FCRL4: variants seen among roughly 807,000 people sequenced by gnomAD.
FCRL4 encodes Fc receptor like 4.
FCRL4 carries 43 observed loss-of-function variants against 64.1 expected under a neutral mutation model. That is an observed-to-expected ratio of 0.67 (90% CI 0.53 to 0.87). The LOEUF is 0.87. Among genes scored for constraint, FCRL4 ranks in the 40% least tolerant of loss-of-function variants. The pLI is 0.00. For synonymous variants in FCRL4, 253 were observed against 239.8 expected, an observed-to-expected ratio of 1.05 and a Z score of -0.51; for missense variants, 656 against 613.5, an observed-to-expected ratio of 1.07 and a Z score of -0.73.
chr1:157,597,218 C>T (rs1652984781), intron 1 of FCRL4, among the ~76,000 whole-genome samples: 1 of 152,188 alleles, frequency 6.6e-6, no homozygotes, highest in Admixed American at 6.5e-5. Context: ...CCACTCACTC[C>T]TTAGTTCCTA....
chr1:157,597,661 A>T (rs928083829), intron 1 of FCRL4, among the ~76,000 whole-genome samples: 1 of 152,194 alleles, frequency 6.6e-6, no homozygotes, highest in African/African-American at 2.4e-5. Context: ...GCATAAACAA[A>T]ATAAGTCCAT....
chr1:157,589,088 G>C, intron 3 of FCRL4, 116 bp downstream of exon 3: 1 of 1,150,960 alleles, frequency 8.7e-7, no homozygotes, highest in Non-Finnish European at 1.2e-6. Flanking sequence ...TGAAACTAAA[G>C]GAGCTGGGAT....
At position 157,586,401 on chromosome 1, in the gene FCRL4, A is replaced by G; in HGVS notation, c.902T>C (p.Val301Ala). 6.2e-7 allele frequency: 1 copy of G among 1,612,804 alleles called. No homozygotes were observed. The highest frequency in any genetic ancestry group is 8.5e-7 in the Non-Finnish European group (1 of 1,179,952). Residue 301 changes from valine to alanine, a missense_variant, in exon 6 of 12, where the codon GTT becomes GCT. By Grantham distance (64) the Val-to-Ala change is moderately conservative. Coordinates refer to ENST00000271532, the MANE Select transcript of FCRL4 (RefSeq NM_031282.3). ...LETQPSGGQA[V>A]EGEMLVLVCS... Reference sequence around the variant, plus strand: ...GACAAGGACCAGCATCTCCCCTTCAACAGCCTGGCCCCCTGAGGGCTGGGT... The same window carrying G: ...GACAAGGACCAGCATCTCCCCTTCAGCAGCCTGGCCCCCTGAGGGCTGGGT...
At chr1:157,581,061 C>G (rs924884763) in intron 7 of FCRL4, among the ~76,000 whole-genome samples, 1 of 152,072 alleles carries the variant, frequency 6.6e-6, no homozygotes, top group Non-Finnish European at 1.5e-5. Context: ...CTCAGAAAAG[C>G]CCCTGAAAAG....
At chr1:157,594,945 C>T (rs1238682055) in intron 2 of FCRL4, among the ~76,000 whole-genome samples, 1 of 152,210 alleles carries the variant, frequency 6.6e-6, no homozygotes, top group African/African-American at 2.4e-5. Flanking sequence ...CTTGCCCAGG[C>T]TGGACTGCAG....
intron 2 of FCRL4, 47 bp downstream of exon 2, chr1:157,596,281 A>T: frequency 6.3e-7 from 1 of 1,580,706 alleles, no homozygotes; most frequent in Middle Eastern, 1.7e-4. Flanking sequence ...AAATATAGTT[A>T]TTAGGGTATC....
intron 2 of FCRL4, among the ~76,000 whole-genome samples, 185 bp downstream of exon 2, chr1:157,596,143 G>C (rs1356504959): frequency 6.6e-6 from 1 of 152,118 alleles, no homozygotes; most frequent in African/African-American, 2.4e-5. Context: ...TTTGGTTTAA[G>C]AGAGTCACCC....
At chr1:157,588,219 C>G (rs1652751702) in intron 3 of FCRL4, 100 bp from the exon 4 acceptor site, 4 of 1,402,724 alleles carry the variant, frequency 2.9e-6, no homozygotes, top group African/African-American at 1.4e-5. Flanking sequence ...CTTTCTTCCA[C>G]AGGATGTAGT....
chr1:157,579,381 T>C (rs1326330746), intron 8 of FCRL4, among the ~76,000 whole-genome samples: 2 of 147,554 alleles, frequency 1.4e-5, no homozygotes, highest in Non-Finnish European at 3.0e-5. Context: ...AATATATACA[T>C]AATGGCTTCT....
rs767012666 is a variant in FCRL4 at position 157,596,304 on chromosome 1, G to A, written c.52+24C>T. 9 of 1,611,798 alleles carry A rather than the reference G, an allele frequency of 5.6e-6. No individual in the cohort carries two copies. The South Asian group carries it at 9.9e-5, about 18-fold the overall frequency. On this transcript the variant is annotated intron_variant, in intron 2 of 11. Transcript: ENST00000271532. ...TTATTAGGGTATCTAGAGACATAAA[G>A]GAGCAAAGAAAATAAGGACTTACCA...
At chr1:157,596,072 T>C (rs1380173917) in intron 2 of FCRL4, among the ~76,000 whole-genome samples, 2 of 152,138 alleles carry the variant, frequency 1.3e-5, no homozygotes, top group African/African-American at 2.4e-5. Flanking sequence ...CAGCTCCTCT[T>C]CCTGTGGACG....
intron 2 of FCRL4, among the ~76,000 whole-genome samples, chr1:157,592,950 G>C (rs182404891): frequency 2.0e-5 from 3 of 152,154 alleles, no homozygotes; most frequent in Admixed American, 6.5e-5. Flanking sequence ...CATGGATGAA[G>C]CTGGAAACCA....
intron 6 of FCRL4, among the ~76,000 whole-genome samples, chr1:157,583,780 G>T (rs1357930997): frequency 6.6e-6 from 1 of 152,220 alleles, no homozygotes; most frequent in Non-Finnish European, 1.5e-5. Flanking sequence ...CCCAGTGCAT[G>T]AGGCTACTGC....
At chr1:157,588,208 T>A in intron 3 of FCRL4, 89 bp from the exon 4 acceptor site, 1 of 1,451,942 alleles carries the variant, frequency 6.9e-7, no homozygotes. Context: ...ATTGTTTTCT[T>A]CTTTCTTCCA....
intron 6 of FCRL4, among the ~76,000 whole-genome samples, chr1:157,585,344 C>CTCTTTCTTTCTTTCTTTCTT (rs764765610): frequency 6.2e-5 from 5 of 81,276 alleles, no homozygotes; most frequent in African/African-American, 1.8e-4. Context: ...CTTTCTCTCT[C>CTCTTTCTTTCTTTCTTTCTT]TCTTTCTTTC....
intron 1 of FCRL4, 77 bp from the exon 2 acceptor site, chr1:157,596,425 A>C: frequency 2.4e-5 from 36 of 1,493,446 alleles, no homozygotes; most frequent in Non-Finnish European, 3.2e-5. Context: ...CCATACACTC[A>C]TATGCTACTT....
rs1261740805 is a variant in FCRL4 at position 157,575,040 on chromosome 1, T to C, written c.*484A>G. 4 of 238,422 alleles carry C rather than the reference T, an allele frequency of 1.7e-5. No individual in the cohort carries two copies. The highest frequency in any genetic ancestry group is 2.5e-5 in the Non-Finnish European group (3 of 120,974). 14.8% of individuals were successfully genotyped at this position (238,422 alleles called of 1,614,324 possible). On this transcript the variant is annotated 3_prime_UTR_variant, in exon 12 of 12. Transcript: ENST00000271532. The stretch of plus-strand genomic sequence containing the variant: ...CAGGCAGAAGTGAAGGGGCTTTTCA[T>C]TGTTTGCACAGTGCCTGTGCAGCCA...
At chr1:157,583,216 C>G (rs1417323505) in intron 6 of FCRL4, among the ~76,000 whole-genome samples, 1 of 152,176 alleles carries the variant, frequency 6.6e-6, no homozygotes, top group Admixed American at 6.5e-5. Context: ...GTGCCTGCCA[C>G]TTAAGTGTTA....
At chr1:157,585,382 C>CTTTA (rs778534909) in intron 6 of FCRL4, among the ~76,000 whole-genome samples, 1 of 100,270 alleles carries the variant, frequency 1.0e-5, no homozygotes, top group Non-Finnish European at 2.1e-5. Flanking sequence ...TTCTTTCTTT[C>CTTTA]TTTCTTTCTT....
Sources: allele counts gnomAD v4.1 joint callset (sites outside exome capture counted in the v4.1 genomes callset), GRCh38; gene constraint gnomAD v4.1.1; transcripts MANE v1.5; gene names NCBI Gene and HGNC (gene_info 2026-07-23, HGNC 2026-07-21).